Variants in PDLIM5 observed in about 807,000 individuals in gnomAD.
PDLIM5 encodes PDZ and LIM domain protein 5.
Under a neutral mutation model 64.2 loss-of-function variants are expected in PDLIM5, and 34 were observed. That is an observed-to-expected ratio of 0.53 (90% CI 0.40 to 0.71). PDLIM5 has a LOEUF of 0.71. PDLIM5 is among the 30% of genes least tolerant of loss of function. PDLIM5 has a pLI of 0.00. For missense variants in PDLIM5, 683 were observed against 733.6 expected, an observed-to-expected ratio of 0.93 and a Z score of 0.80; for synonymous variants, 253 against 269.1, an observed-to-expected ratio of 0.94 and a Z score of 0.59.
intron 2 of PDLIM5, among the ~76,000 whole-genome samples, chr4:94,520,096 C>T (rs536886456): frequency 3.9e-5 from 6 of 152,196 alleles, no homozygotes; most frequent in African/African-American, 1.4e-4. Flanking sequence ...ATTTCAGCAT[C>T]AGTGAACAGA....
At chr4:94,632,522 A>G (rs1740237796) in intron 8 of PDLIM5, among the ~76,000 whole-genome samples, 2 of 152,216 alleles carry the variant, frequency 1.3e-5, no homozygotes, top group Non-Finnish European at 2.9e-5. Flanking sequence ...AAAGAAAAAA[A>G]TTACTGTGTT....
chr4:94,563,177 A>G (rs1029523577), intron 3 of PDLIM5, among the ~76,000 whole-genome samples: 6 of 152,144 alleles, frequency 3.9e-5, no homozygotes, highest in Non-Finnish European at 8.8e-5. Context: ...TTAAGTTCCT[A>G]TTTTTAGATG....
At chr4:94,462,639 G>A (rs1010747847) in intron 2 of PDLIM5, among the ~76,000 whole-genome samples, 4 of 151,988 alleles carry the variant, frequency 2.6e-5, no homozygotes, top group South Asian at 4.1e-4. Context: ...GCCTATATAT[G>A]TGTATATGTT....
At chr4:94,632,649 T>C (rs1328818641) in intron 8 of PDLIM5, among the ~76,000 whole-genome samples, 2 of 152,178 alleles carry the variant, frequency 1.3e-5, no homozygotes, top group Non-Finnish European at 2.9e-5. Flanking sequence ...GGAGTTAAGA[T>C]TGCTTGTCAA....
At chr4:94,590,502 A>T (rs771092685) in intron 7 of PDLIM5, among the ~76,000 whole-genome samples, 3 of 152,242 alleles carry the variant, frequency 2.0e-5, no homozygotes, top group Admixed American at 2.0e-4. Flanking sequence ...TGAATAACAG[A>T]TAAATGTATA....
intron 2 of PDLIM5, among the ~76,000 whole-genome samples, chr4:94,464,305 G>T (rs1324054645): frequency 1.3e-5 from 2 of 152,182 alleles, no homozygotes; most frequent in Non-Finnish European, 2.9e-5. Context: ...AGTAGTTACG[G>T]TAATGACATT....
At chr4:94,490,620 T>C (rs900071508) in intron 2 of PDLIM5, among the ~76,000 whole-genome samples, 1 of 152,140 alleles carries the variant, frequency 6.6e-6, no homozygotes, top group African/African-American at 2.4e-5. Flanking sequence ...TAATGTAGGC[T>C]GGTATTAAAA....
At chr4:94,624,442 AT>A (rs1739503494) in intron 8 of PDLIM5, among the ~76,000 whole-genome samples, 1 of 152,216 alleles carries the variant, frequency 6.6e-6, no homozygotes, top group African/African-American at 2.4e-5. Context: ...AAACACCAGT[AT>A]ATAATATAGA....
intron 3 of PDLIM5, among the ~76,000 whole-genome samples, chr4:94,535,223 C>T (rs1426337075): frequency 6.6e-6 from 1 of 152,104 alleles, no homozygotes; most frequent in Non-Finnish European, 1.5e-5. Flanking sequence ...TTCTGTAAGC[C>T]ACAGTCGTGT....
At chr4:94,498,768 TCTC>T (rs1431485133) in intron 2 of PDLIM5, among the ~76,000 whole-genome samples, 4 of 152,206 alleles carry the variant, frequency 2.6e-5, no homozygotes, top group Admixed American at 2.0e-4. Context: ...TGAGGGTTTT[TCTC>T]CTCCTCTCAC....
rs544747442 is a variant in PDLIM5, at chr4:94,664,506, A to T, written c.*439A>T. On this transcript the variant is annotated 3_prime_UTR_variant, in exon 13 of 13. Coordinates refer to ENST00000317968, the MANE Select transcript of PDLIM5 (RefSeq NM_006457.5). ...TTATTGTATTTAAAAAAAAACTAAT[A>T]CTTATCTTTAAAATAGTAAATAGGA... 113 of 704,382 alleles carry T rather than the reference A, an allele frequency of 1.6e-4. No individual in the cohort carries two copies. Among genetic ancestry groups the T allele is most frequent in the Middle Eastern group, 7.0e-4 (1 of 1,422 alleles). The allele number at this position is 704,382 out of a possible 1,614,324, so 43.6% of individuals were successfully genotyped here.
In PDLIM5 at chr4:94,664,193, A is replaced by C; in HGVS notation, c.*126A>C. ...AATAATAGTGGCCCTGAAGGAATAA[A>C]TTCCAGCTTTAAAAACCAAGTCTGA... is the stretch of plus-strand genomic sequence containing the variant. On this transcript the variant is annotated 3_prime_UTR_variant, in exon 13 of 13. Coordinates refer to ENST00000317968, the MANE Select transcript of PDLIM5 (RefSeq NM_006457.5). 8.2e-7 allele frequency: 1 copy of C among 1,226,764 alleles called. No individual in the cohort carries two copies. The highest frequency in any genetic ancestry group is 1.6e-5 in the African/African-American group (1 of 64,272). The allele number at this position is 1,226,764 out of a possible 1,614,324, so 76.0% of individuals were successfully genotyped here. A position where few individuals can be genotyped will look rare whatever the true frequency, so the allele number is the denominator to read the frequency against.
At chr4:94,619,279 C>G (rs1739027571) in intron 8 of PDLIM5, among the ~76,000 whole-genome samples, 1 of 152,138 alleles carries the variant, frequency 6.6e-6, no homozygotes, top group Non-Finnish European at 1.5e-5. Context: ...CTTCTAATTT[C>G]CCTGTCTCCT....
At chr4:94,463,525 C>T (rs1724080921) in intron 2 of PDLIM5, among the ~76,000 whole-genome samples, 1 of 152,054 alleles carries the variant, frequency 6.6e-6, no homozygotes. Context: ...TCATTCTTGT[C>T]ATCTTCACTT....
chr4:94,631,422 G>T (rs1740139914), intron 8 of PDLIM5, among the ~76,000 whole-genome samples: 1 of 152,094 alleles, frequency 6.6e-6, no homozygotes, highest in African/African-American at 2.4e-5. Context: ...GATAATCTAA[G>T]CTGTTAAGAG....
intron 3 of PDLIM5, among the ~76,000 whole-genome samples, chr4:94,560,496 T>C (rs1328455159): frequency 6.6e-6 from 1 of 152,140 alleles, no homozygotes; most frequent in African/African-American, 2.4e-5. Flanking sequence ...CAATATTAGG[T>C]TTAGTGTCCT....
chr4:94,524,001 A>G (rs1730099873), intron 3 of PDLIM5, 126 bp downstream of exon 3: 4 of 625,514 alleles, frequency 6.4e-6, no homozygotes, highest in Middle Eastern at 3.2e-4. Flanking sequence ...AATAAAAAAT[A>G]TAATGGCTCT....
intron 7 of PDLIM5, among the ~76,000 whole-genome samples, chr4:94,615,676 G>A (rs1184221257): frequency 6.6e-6 from 1 of 152,158 alleles, no homozygotes; most frequent in Non-Finnish European, 1.5e-5. Flanking sequence ...CAGGCTAAAT[G>A]GCTAAATTCG....
chr4:94,499,949 C>A (rs948051966), intron 2 of PDLIM5, among the ~76,000 whole-genome samples: 2 of 152,166 alleles, frequency 1.3e-5, no homozygotes, highest in Non-Finnish European at 2.9e-5. Context: ...CTCCCCTCCC[C>A]CTGACCCACC....
Sources: allele counts gnomAD v4.1 joint callset (sites outside exome capture counted in the v4.1 genomes callset), GRCh38; gene constraint gnomAD v4.1.1; transcripts MANE v1.5; gene names NCBI Gene and HGNC (gene_info 2026-07-23, HGNC 2026-07-21).